The following MYO1E variants were observed in gnomAD, a reference collection of about 807,000 sequenced individuals.
The protein encoded by MYO1E is unconventional myosin-Ie.
In MYO1E, 68 loss-of-function variants were observed where a neutral mutation model predicts 151.1. That is an observed-to-expected ratio of 0.45 (90% CI 0.37 to 0.55). MYO1E has a LOEUF of 0.55. Ranked by LOEUF, MYO1E falls within the 20% of genes least tolerant of loss-of-function variation. The probability of loss-of-function intolerance (pLI) is 0.00; values close to 1 mark genes in which losing one functional copy is unlikely to be tolerated. For synonymous variants in MYO1E, 601 were observed against 501.7 expected (o/e 1.20, Z -2.64); for missense variants, 1,363 against 1,389.3 (o/e 0.98, Z 0.30).
At chr15:59,287,981 T>C (rs2080396955) in intron 1 of MYO1E, among the ~76,000 whole-genome samples, 1 of 152,244 alleles carries the variant, frequency 6.6e-6, no homozygotes, top group African/African-American at 2.4e-5. Flanking sequence ...ATCAACAATG[T>C]GCAGCGAAGG....
At chr15:59,323,159 AC>A (rs1344335511) in intron 1 of MYO1E, among the ~76,000 whole-genome samples, 1 of 112,110 alleles carries the variant, frequency 8.9e-6, no homozygotes, top group African/African-American at 4.2e-5. Context: ...ACAGAGCAAG[AC>A]CCCATCACAA....
Position 59,278,539 on chromosome 15 carries a change from A to G in MYO1E, c.4-6090T>C, listed in dbSNP as rs777928312. ...CCAAAAATATTTGTCTGTCTGCTAC[A>G]TACAAGGCACTGGGCTTGCAAACTG... is the stretch of plus-strand genomic sequence containing the variant. On this transcript the variant is annotated intron_variant, in intron 1 of 27. Transcript: ENST00000288235. Among the ~76,000 whole-genome samples the G allele has an allele frequency of 5.3e-4, 80 of 152,264 alleles. 2 individuals carry two copies. Among genetic ancestry groups the G allele is most frequent in the Non-Finnish European group, 1.0e-4 (7 of 68,050 alleles).
chr15:59,247,943 G>A (rs897034879), intron 4 of MYO1E, among the ~76,000 whole-genome samples: 1 of 151,724 alleles, frequency 6.6e-6, no homozygotes, highest in Non-Finnish European at 1.5e-5. Flanking sequence ...CCAACAGGGC[G>A]AAACCCCTTC....
intron 10 of MYO1E, among the ~76,000 whole-genome samples, chr15:59,216,738 A>G (rs1398702773): frequency 7.1e-6 from 1 of 141,802 alleles, no homozygotes; most frequent in African/African-American, 2.6e-5. Context: ...TTATGCCATA[A>G]CCAAAAATAT....
chr15:59,216,356 G>T (rs867506863), intron 10 of MYO1E, among the ~76,000 whole-genome samples: 1 of 151,792 alleles, frequency 6.6e-6, no homozygotes, highest in Admixed American at 6.6e-5. Flanking sequence ...CAGGGTTGTT[G>T]TAAGAATTAA....
chr15:59,248,074 G>A (rs1249979022), intron 4 of MYO1E, among the ~76,000 whole-genome samples: 1 of 125,394 alleles, frequency 8.0e-6, no homozygotes, highest in Admixed American at 1.0e-4. Context: ...GTTGTGGTGA[G>A]CCAAGAGTGT....
At chr15:59,365,910 G>C (rs1180004329) in intron 1 of MYO1E, among the ~76,000 whole-genome samples, 1 of 152,148 alleles carries the variant, frequency 6.6e-6, no homozygotes, top group Non-Finnish European at 1.5e-5. Flanking sequence ...TGAGTAATAG[G>C]AATGATCACA....
chr15:59,358,703 C>T (rs1194118251), intron 1 of MYO1E, among the ~76,000 whole-genome samples: 2 of 152,294 alleles, frequency 1.3e-5, no homozygotes, highest in South Asian at 4.1e-4. Context: ...AAAGTAAAAA[C>T]TTTATGTCCC....
chr15:59,353,368 A>AG (rs1409924397), intron 1 of MYO1E, among the ~76,000 whole-genome samples: 6 of 142,708 alleles, frequency 4.2e-5, no homozygotes, highest in African/African-American at 1.3e-4. Context: ...AAAAAAAAAA[A>AG]AAAAAGAAAA....
intron 14 of MYO1E, 133 bp from the exon 15 acceptor site, chr15:59,205,618 A>C: frequency 3.8e-6 from 3 of 788,178 alleles, no homozygotes; most frequent in Non-Finnish European, 2.2e-6. Context: ...TCACCACAAC[A>C]TGTGGATTTC....
chr15:59,261,073 T>C (rs1235857940), intron 3 of MYO1E, among the ~76,000 whole-genome samples: 1 of 151,524 alleles, frequency 6.6e-6, no homozygotes, highest in African/African-American at 2.4e-5. Flanking sequence ...ATTAGCCAGG[T>C]GTGGTGGTGC....
intron 1 of MYO1E, among the ~76,000 whole-genome samples, chr15:59,340,378 CTTTT>C (rs35360737): frequency 4.7e-5 from 7 of 147,732 alleles, no homozygotes; most frequent in African/African-American, 1.2e-4. Context: ...TCACATTAAC[CTTTT>C]TTTTTTTGAG....
chr15:59,198,355 CT>C (rs1162208464), intron 16 of MYO1E, among the ~76,000 whole-genome samples: 2 of 152,170 alleles, frequency 1.3e-5, no homozygotes, highest in African/African-American at 4.8e-5. Flanking sequence ...CTCATTCTAC[CT>C]TCAACAGAGA....
At chr15:59,178,567 C>A (rs778689060) in intron 18 of MYO1E, 30 bp from the exon 19 acceptor site, 1 of 1,612,380 alleles carries the variant, frequency 6.2e-7, no homozygotes, top group Non-Finnish European at 8.5e-7. Flanking sequence ...AAGAGAATCA[C>A]ACTTGGGCGG....
At chr15:59,235,283 C>T (rs999343951) in intron 5 of MYO1E, among the ~76,000 whole-genome samples, 2 of 152,178 alleles carry the variant, frequency 1.3e-5, no homozygotes, top group Non-Finnish European at 2.9e-5. Context: ...GAAGGGTAGG[C>T]CCTTCTCCCA....
intron 1 of MYO1E, among the ~76,000 whole-genome samples, chr15:59,334,094 A>G (rs1221208189): frequency 5.9e-5 from 9 of 152,190 alleles, no homozygotes; most frequent in Admixed American, 5.9e-4. Context: ...CCGGCTGGGC[A>G]ACATAGTGAC....
chr15:59,139,554 C>T (rs1322139674), intron 26 of MYO1E, among the ~76,000 whole-genome samples: 3 of 146,952 alleles, frequency 2.0e-5, no homozygotes, highest in East Asian at 4.2e-4. Flanking sequence ...CTCAGACTTC[C>T]GTCTCACCTT....
chr15:59,205,799 T>G (rs2079829714), intron 14 of MYO1E, among the ~76,000 whole-genome samples: 1 of 152,180 alleles, frequency 6.6e-6, no homozygotes, highest in Admixed American at 6.5e-5. Context: ...CCATACCCCT[T>G]CTTCAGTGGA....
intron 1 of MYO1E, among the ~76,000 whole-genome samples, chr15:59,345,636 G>C (rs1466458638): frequency 6.6e-6 from 1 of 152,232 alleles, no homozygotes; most frequent in Non-Finnish European, 1.5e-5. Flanking sequence ...GATACAAGAT[G>C]ATTGAGGAAA....
Sources: allele counts gnomAD v4.1 joint callset (sites outside exome capture counted in the v4.1 genomes callset), GRCh38; gene constraint gnomAD v4.1.1; transcripts MANE v1.5; gene names NCBI Gene and HGNC (gene_info 2026-07-23, HGNC 2026-07-21).